PHACTR1: variants seen among roughly 807,000 people sequenced by gnomAD.
PHACTR1 encodes the protein RPEL repeat containing 1.
A neutral mutation model predicts 69.2 loss-of-function variants in PHACTR1; 16 were observed. The ratio of observed to expected loss-of-function variants is 0.23; its 90% CI spans 0.16 to 0.35. The LOEUF (loss-of-function observed/expected upper bound fraction) is 0.35, where lower values mean the gene tolerates loss of function less well. PHACTR1 is among the 10% of genes least tolerant of loss of function. PHACTR1 has a pLI of 1.00. For missense variants in PHACTR1, 510 were observed against 734.7 expected, an observed-to-expected ratio of 0.69 and a Z score of 3.54; for synonymous variants, 312 against 284.5, an observed-to-expected ratio of 1.10 and a Z score of -0.97.
At chr6:13,066,459 T>C (rs1287487149) in intron 5 of PHACTR1, among the ~76,000 whole-genome samples, 2 of 152,204 alleles carry the variant, frequency 1.3e-5, no homozygotes, top group African/African-American at 2.4e-5. Context: ...TCATTCATGA[T>C]TGTTTTCCAG....
At chr6:13,177,351 G>C (rs1761488097) in intron 6 of PHACTR1, among the ~76,000 whole-genome samples, 1 of 142,286 alleles carries the variant, frequency 7.0e-6, no homozygotes, top group Non-Finnish European at 1.5e-5. Context: ...CTGTCTGTCT[G>C]TCTCTCTCTT....
chr6:12,925,381 C>T (rs1479673034), intron 4 of PHACTR1, among the ~76,000 whole-genome samples: 2 of 152,126 alleles, frequency 1.3e-5, no homozygotes, highest in East Asian at 1.9e-4. Flanking sequence ...TTCATCATCT[C>T]GTTAAACCTA....
In PHACTR1 at chr6:13,206,022, G is replaced by A. The variant is rs1286288500; in HGVS notation, c.872G>A (p.Ser291Asn). ...SQIQHQLQYG[S>N]HGQHLPSTTG... ...ATCCAGCACCAGCTGCAGTACGGCAGCCACGGCCAGCACCTCCCCTCCACC... is the reference window on the plus strand; with the variant it reads ...ATCCAGCACCAGCTGCAGTACGGCAACCACGGCCAGCACCTCCCCTCCACC... Residue 291 changes from serine to asparagine, a missense_variant, in exon 8 of 15, where the codon AGC becomes AAC. By Grantham distance (46) the Ser-to-Asn change is conservative. Around this residue, in one of 2 missense-constraint regions of PHACTR1, gnomAD observed 419 missense variants for 530.9 expected, o/e 0.79. Transcript: ENST00000332995. The A allele has an allele frequency of 2.5e-6, 4 of 1,613,948 alleles. No homozygotes were observed. Among genetic ancestry groups the A allele is most frequent in the Non-Finnish European group, 2.5e-6 (3 of 1,179,880 alleles).
chr6:13,040,920 A>T (rs988128162), intron 4 of PHACTR1, among the ~76,000 whole-genome samples: 1 of 152,198 alleles, frequency 6.6e-6, no homozygotes, highest in Non-Finnish European at 1.5e-5. Flanking sequence ...GATTAAATGC[A>T]CTTAAACCTG....
At chr6:13,128,094 A>T (rs1161426477) in intron 5 of PHACTR1, among the ~76,000 whole-genome samples, 6 of 149,984 alleles carry the variant, frequency 4.0e-5, no homozygotes, top group Non-Finnish European at 8.9e-5. Flanking sequence ...GAACAGCAGC[A>T]TGGGGGTAAT....
intron 4 of PHACTR1, among the ~76,000 whole-genome samples, chr6:13,037,846 AG>A (rs1195848401): frequency 2.6e-5 from 4 of 152,228 alleles, no homozygotes; most frequent in African/African-American, 9.6e-5. Context: ...TGAAGAGAGA[AG>A]TGGGAAGAGT....
chr6:13,208,627 G>GCCCTCCCCCCCCC (rs138524215), intron 8 of PHACTR1, among the ~76,000 whole-genome samples: 1 of 141,344 alleles, frequency 7.1e-6, no homozygotes, highest in African/African-American at 2.6e-5. Flanking sequence ...CGTCATTGCT[G>GCCCTCCCCCCCCC]CCCACCCCCC....
At chr6:12,833,622 T>C (rs778318908) in intron 4 of PHACTR1, among the ~76,000 whole-genome samples, 1 of 152,192 alleles carries the variant, frequency 6.6e-6, no homozygotes, top group Non-Finnish European at 1.5e-5. Flanking sequence ...ACCACGTTCA[T>C]TGTATTTGAA....
intron 4 of PHACTR1, among the ~76,000 whole-genome samples, chr6:12,855,322 C>A (rs1780240056): frequency 6.6e-6 from 1 of 152,092 alleles, no homozygotes; most frequent in Non-Finnish European, 1.5e-5. Context: ...TGTGGTGGTG[C>A]ATGTCTGTAG....
In PHACTR1 at chr6:12,749,690, C is replaced by T. The variant is rs1581578009; in HGVS notation, c.150C>T (p.Ser50=). The T allele has an allele frequency of 1.2e-6, 2 of 1,612,406 alleles. No homozygotes were observed. Among genetic ancestry groups the T allele is most frequent in the Non-Finnish European group, 1.7e-6 (2 of 1,179,658 alleles). ...TGCCTCCCACATTAATGGCGGCATCCTCGGAGGATGATATAGACCGGCGGC... is the reference window on the plus strand; with the variant it reads ...TGCCTCCCACATTAATGGCGGCATCTTCGGAGGATGATATAGACCGGCGGC... ...LLLPPTLMAA[S]SEDDIDRRPI... The change falls in exon 4 of 15, where the codon TCC becomes TCT. Residue 50 remains serine (S), a synonymous_variant. Transcript: ENST00000332995.
At position 13,101,448 on chromosome 6, in the gene PHACTR1, A is replaced by T. The variant is rs1231567271; in HGVS notation, c.415+47919A>T. Among the ~76,000 whole-genome samples the T allele has an allele frequency of 2.0e-5, 3 of 152,326 alleles. No individual in the cohort carries two copies. The East Asian group carries it at 5.8e-4, about 29-fold the overall frequency. ...AGCAGTATGCTTCCAAGAGATATGG[A>T]TGTTGCTGGTCTGACCACACCGAGT... On this transcript the variant is annotated intron_variant, in intron 5 of 14. Transcript: ENST00000332995.
At chr6:12,828,559 G>A (rs1348155558) in intron 4 of PHACTR1, among the ~76,000 whole-genome samples, 3 of 152,076 alleles carry the variant, frequency 2.0e-5, no homozygotes, top group African/African-American at 4.8e-5. Context: ...CCTTTGTAGG[G>A]TATAATATTC....
In PHACTR1 at chr6:12,877,068, A is replaced by G. The variant is rs185907310; in HGVS notation, c.250+127278A>G. Among the ~76,000 whole-genome samples, 4 of 152,318 alleles carry G rather than the reference A, an allele frequency of 2.6e-5. No individual in the cohort carries two copies. The East Asian group carries it at 7.7e-4, about 29-fold the overall frequency. ...TCTTCCACGCTGAGGAAAGAAATCT[A>G]CATTACAGAATCCACTCAAATGCTA... On this transcript the variant is annotated intron_variant, in intron 4 of 14. Transcript: ENST00000332995.
intron 4 of PHACTR1, among the ~76,000 whole-genome samples, chr6:12,969,320 T>G (rs1161373858): frequency 6.6e-6 from 1 of 152,334 alleles, no homozygotes; most frequent in East Asian, 1.9e-4. Context: ...GTAAAAGCCT[T>G]AAGTGGCTAT....
At chr6:13,120,114 A>C (rs994425547) in intron 5 of PHACTR1, among the ~76,000 whole-genome samples, 1 of 152,142 alleles carries the variant, frequency 6.6e-6, no homozygotes, top group South Asian at 2.1e-4. Context: ...TTCCCTTGCC[A>C]GTGTCTCAAG....
At chr6:13,033,963 G>C (rs985932451) in intron 4 of PHACTR1, among the ~76,000 whole-genome samples, 15 of 152,090 alleles carry the variant, frequency 9.9e-5, no homozygotes, top group African/African-American at 3.6e-4. Context: ...TAAGCCAATA[G>C]ATGAGTGTGT....
chr6:13,259,965 G>A (rs1775685210), intron 10 of PHACTR1, among the ~76,000 whole-genome samples: 1 of 152,178 alleles, frequency 6.6e-6, no homozygotes, highest in African/African-American at 2.4e-5. Context: ...AAGCAAAACT[G>A]CTGTTCAGCC....
At chr6:13,073,091 C>T (rs1345744235) in intron 5 of PHACTR1, among the ~76,000 whole-genome samples, 1 of 151,874 alleles carries the variant, frequency 6.6e-6, no homozygotes, top group African/African-American at 2.4e-5. Flanking sequence ...CCACATTTTC[C>T]CTATCAGAAT....
intron 5 of PHACTR1, among the ~76,000 whole-genome samples, chr6:13,155,917 A>G (rs535013406): frequency 6.2e-4 from 95 of 152,038 alleles, no homozygotes; most frequent in South Asian, 4.2e-4. Context: ...ATTTCCTTAC[A>G]GGGAAGAAAG....
Sources: allele counts gnomAD v4.1 joint callset (sites outside exome capture counted in the v4.1 genomes callset), GRCh38; gene constraint gnomAD v4.1.1; regional missense constraint gnomAD v4.1.1; transcripts MANE v1.5; gene names NCBI Gene and HGNC (gene_info 2026-07-23, HGNC 2026-07-21).